Variants in TANC1 observed in about 807,000 individuals in gnomAD.
The protein encoded by TANC1 is protein TANC1.
Under a neutral mutation model 149.7 loss-of-function variants are expected in TANC1, and 77 were observed. The observed-to-expected ratio is 0.51, with a 90% CI of 0.43 to 0.62. TANC1 has a LOEUF of 0.62. Ranked by LOEUF, TANC1 falls within the 20% of genes least tolerant of loss-of-function variation. TANC1 has a pLI of 0.00. For missense variants in TANC1, 1,985 were observed against 2,321.8 expected, an observed-to-expected ratio of 0.85 and a Z score of 2.98; for synonymous variants, 854 against 925.0, an observed-to-expected ratio of 0.92 and a Z score of 1.39.
intron 1 of TANC1, among the ~76,000 whole-genome samples, chr2:158,981,632 G>T (rs2034401908): frequency 1.3e-5 from 2 of 148,916 alleles, no homozygotes; most frequent in African/African-American, 4.9e-5. Flanking sequence ...GTTTGGAAAG[G>T]TATTCTGAAT....
chr2:159,100,478 T>A (rs2046570564), intron 4 of TANC1, among the ~76,000 whole-genome samples: 1 of 152,246 alleles, frequency 6.6e-6, no homozygotes, highest in Admixed American at 6.5e-5. Flanking sequence ...ATGAAATTTA[T>A]TTTTGCTAAA....
chr2:159,136,406 G>C (rs2050753064), intron 5 of TANC1, 108 bp downstream of exon 5: 2 of 691,288 alleles, frequency 2.9e-6, no homozygotes. Context: ...TGCTGAGAAT[G>C]TATTTGGGAG....
intron 25 of TANC1, 26 bp downstream of exon 25, chr2:159,227,991 CCAGT>C: frequency 6.2e-7 from 1 of 1,601,582 alleles, no homozygotes; most frequent in Non-Finnish European, 8.5e-7. Context: ...TTATTCCAAC[CCAGT>C]CTTCCAGCAA....
intron 5 of TANC1, among the ~76,000 whole-genome samples, chr2:159,140,271 A>G (rs568753400): frequency 6.6e-6 from 1 of 152,236 alleles, no homozygotes; most frequent in South Asian, 2.1e-4. Flanking sequence ...ATGCATAGTC[A>G]TGTTTTATTT....
intron 3 of TANC1, among the ~76,000 whole-genome samples, chr2:159,092,012 T>C (rs2045608353): frequency 6.6e-6 from 1 of 152,008 alleles, no homozygotes; most frequent in African/African-American, 2.4e-5. Flanking sequence ...TTATACAACC[T>C]TTAAGAAACA....
Position 159,194,344 on chromosome 2 carries a change from C to T in TANC1, c.2830C>T (p.His944Tyr), listed in dbSNP as rs374498239. The T allele has an allele frequency of 7.2e-5, 117 of 1,614,156 alleles. No individual in the cohort carries two copies. Among genetic ancestry groups the T allele is most frequent in the African/African-American group, 9.3e-5 (7 of 74,950 alleles). Reference sequence around the variant, plus strand: ...TGCCCCAATCCTGTGCGTCCAGTCTCACCTTGGCCACGAGGAAGTTGTCAC... The same window carrying T: ...TGCCCCAATCCTGTGCGTCCAGTCTTACCTTGGCCACGAGGAAGTTGTCAC... ...NNAPILCVQSHLGHEEVVTLL... is the reference protein window; with the variant it reads ...NNAPILCVQSYLGHEEVVTLL... The change falls in exon 17 of 27, where the codon CAC becomes TAC. Residue 944 changes from histidine to tyrosine, a missense_variant. By Grantham distance (83) the His-to-Tyr change is moderately conservative. Around this residue, in one of 3 missense-constraint regions of TANC1, gnomAD observed 508 missense variants for 714.2 expected, o/e 0.71. Transcript: ENST00000263635.
At chr2:159,227,087 TA>T (rs1484812466) in intron 24 of TANC1, 2 of 152,228 alleles carry the variant, frequency 1.3e-5, no homozygotes, top group Non-Finnish European at 2.9e-5. Flanking sequence ...TCTCATTTTT[TA>T]AAATAGTAAC....
chr2:159,223,996 A>T (rs555537683), intron 22 of TANC1, among the ~76,000 whole-genome samples: 2 of 152,348 alleles, frequency 1.3e-5, no homozygotes, highest in Admixed American at 6.5e-5. Flanking sequence ...CACCTGTGGT[A>T]GCGTGTCCCC....
At chr2:159,114,168 A>G (rs2048013151) in intron 4 of TANC1, among the ~76,000 whole-genome samples, 2 of 152,196 alleles carry the variant, frequency 1.3e-5, no homozygotes, top group Admixed American at 1.3e-4. Context: ...GCAGTTCACA[A>G]GACAACGAGC....
chr2:159,133,818 C>A (rs931494540), intron 4 of TANC1, among the ~76,000 whole-genome samples: 10 of 152,148 alleles, frequency 6.6e-5, no homozygotes, highest in African/African-American at 1.9e-4. Context: ...CTACATGAAT[C>A]ATTTAAAAAC....
At chr2:159,169,409 A>T in intron 9 of TANC1, 37 bp downstream of exon 9, 1 of 1,604,318 alleles carries the variant, frequency 6.2e-7, no homozygotes, top group African/African-American at 1.3e-5. Flanking sequence ...AATGGTTATG[A>T]CTAACTCAGT....
At chr2:159,173,709 A>G (rs1413453882) in intron 11 of TANC1, among the ~76,000 whole-genome samples, 1 of 152,184 alleles carries the variant, frequency 6.6e-6, no homozygotes, top group Non-Finnish European at 1.5e-5. Context: ...ACATCTCATG[A>G]TGGTTTGCAC....
rs187393148 is a variant in TANC1, at chr2:159,077,103, G to T, written c.61+11132G>T. ...AGACAGGGTCTTGCTTTGTCACCCA[G>T]GCTAAAGTGCAGTGGTGCGATCATA... is the stretch of plus-strand genomic sequence containing the variant. On this transcript the variant is annotated intron_variant, in intron 3 of 26. Coordinates refer to ENST00000263635, the MANE Select transcript of TANC1 (RefSeq NM_033394.3). 4.2e-4 allele frequency among the ~76,000 whole-genome samples: 64 copies of T among 151,946 alleles called. No individual in the cohort carries two copies. The East Asian group carries it at 0.011, about 27-fold the overall frequency.
intron 2 of TANC1, among the ~76,000 whole-genome samples, chr2:159,015,013 G>A (rs1269569598): frequency 6.6e-6 from 1 of 152,158 alleles, no homozygotes; most frequent in Non-Finnish European, 1.5e-5. Flanking sequence ...GAGGATGATG[G>A]CCCTCTTCTC....
At chr2:159,127,368 T>C (rs1373215872) in intron 4 of TANC1, among the ~76,000 whole-genome samples, 1 of 152,232 alleles carries the variant, frequency 6.6e-6, no homozygotes, top group African/African-American at 2.4e-5. Context: ...CCTGGGAATG[T>C]AAATTAGTTG....
intron 19 of TANC1, among the ~76,000 whole-genome samples, chr2:159,207,624 A>C (rs6737487): frequency 0.042 from 5,944 of 140,066 alleles, 375 homozygotes; most frequent in African/African-American, 0.15. Context: ...CCTTGAACCC[A>C]GGAGGCAGAG....
intron 14 of TANC1, among the ~76,000 whole-genome samples, chr2:159,182,949 A>G (rs1200415990): frequency 6.6e-6 from 1 of 152,232 alleles, no homozygotes; most frequent in Non-Finnish European, 1.5e-5. Context: ...AGGAGGAGCT[A>G]TTGAAGACGT....
chr2:159,023,299 A>G (rs531743662), intron 2 of TANC1, among the ~76,000 whole-genome samples: 1 of 152,170 alleles, frequency 6.6e-6, no homozygotes, highest in East Asian at 1.9e-4. Context: ...GAATCTGACA[A>G]ATTTTTAGAG....
chr2:159,128,875 G>A lies in TANC1; in HGVS notation c.260-7319G>A, dbSNP rs183627346. 1.2e-4 allele frequency among the ~76,000 whole-genome samples: 19 copies of A among 152,216 alleles called. 1 individual carries two copies. The East Asian group carries it at 3.3e-3, about 26-fold the overall frequency. On this transcript the variant is annotated intron_variant, in intron 4 of 26. Transcript: ENST00000263635. ...CAAGACTTATCTGGTAGTTTACCACGGTTTGCCATTAGGAATTGGCTATTT... is the reference window on the plus strand; with the variant it reads ...CAAGACTTATCTGGTAGTTTACCACAGTTTGCCATTAGGAATTGGCTATTT...
Sources: gnomAD v4.1 joint callset for allele counts (sites outside exome capture counted in the v4.1 genomes callset) on GRCh38, gnomAD v4.1.1 for gene constraint, gnomAD v4.1.1 regional missense constraint, MANE v1.5 for transcripts, NCBI Gene and HGNC (gene_info 2026-07-23, HGNC 2026-07-21) for gene names.